The following RASA2 variants were observed in gnomAD, a reference collection of about 807,000 sequenced individuals.
RASA2 encodes ras GTPase-activating protein 2.
A neutral mutation model predicts 118.2 loss-of-function variants in RASA2; 155 were observed. That is an observed-to-expected ratio of 1.31 (90% CI 1.15 to 1.50). RASA2 has a LOEUF of 1.50. RASA2 is among the 40% of genes most tolerant of loss of function. The pLI, the probability that RASA2 is intolerant of heterozygous loss-of-function variation, is 0.00. For synonymous variants in RASA2, 353 were observed against 349.1 expected (o/e 1.01, Z -0.12); for missense variants, 1,016 against 1,009.6 (o/e 1.01, Z -0.09).
chr3:141,534,747 A>AT (rs1338681117), intron 4 of RASA2, among the ~76,000 whole-genome samples: 3 of 151,828 alleles, frequency 2.0e-5, no homozygotes, highest in Non-Finnish European at 4.4e-5. Context: ...TTGCAGGTTG[A>AT]TTTTTTTTAA....
chr3:141,502,397 T>A (rs1222829427), intron 1 of RASA2, among the ~76,000 whole-genome samples: 6 of 152,196 alleles, frequency 3.9e-5, no homozygotes, highest in African/African-American at 1.4e-4. Context: ...CTGAATAAAG[T>A]TAAACCTTAG....
At chr3:141,502,879 G>A (rs1458208379) in intron 1 of RASA2, among the ~76,000 whole-genome samples, 1 of 152,164 alleles carries the variant, frequency 6.6e-6, no homozygotes, top group Non-Finnish European at 1.5e-5. Flanking sequence ...AACCTTTGAA[G>A]CAGACCTGGA....
Position 141,528,417 on chromosome 3 carries a change from C to T in RASA2, c.356-1291C>T, listed in dbSNP as rs547787801. ...GGTTCAGAAAAAGAATCATTATATA[C>T]GTTAGAGGGAGAGAAACATTATAAA... On this transcript the variant is annotated intron_variant, in intron 3 of 23. Coordinates refer to ENST00000286364, the MANE Select transcript of RASA2 (RefSeq NM_006506.5). Among the ~76,000 whole-genome samples the T allele has an allele frequency of 5.9e-5, 9 of 151,848 alleles. No individual in the cohort carries two copies. In the South Asian group the frequency reaches 1.5e-3, roughly 24 times the overall value.
At chr3:141,500,012 T>TTAA (rs1157016180) in intron 1 of RASA2, among the ~76,000 whole-genome samples, 1 of 152,240 alleles carries the variant, frequency 6.6e-6, no homozygotes, top group Non-Finnish European at 1.5e-5. Context: ...TCTCACCATG[T>TTAA]TAATTTATGC....
chr3:141,499,159 G>C (rs2081743607), intron 1 of RASA2, among the ~76,000 whole-genome samples: 1 of 152,182 alleles, frequency 6.6e-6, no homozygotes, highest in Non-Finnish European at 1.5e-5. Context: ...GTAGATAACT[G>C]TATGATAGTT....
chr3:141,604,095 A>C (rs528873232), intron 19 of RASA2, among the ~76,000 whole-genome samples: 21 of 152,172 alleles, frequency 1.4e-4, no homozygotes, highest in African/African-American at 4.8e-4. Context: ...CATGGTATAT[A>C]CGTAGGAGTG....
At chr3:141,517,857 A>G (rs1447228788) in intron 3 of RASA2, among the ~76,000 whole-genome samples, 2 of 151,908 alleles carry the variant, frequency 1.3e-5, no homozygotes, top group East Asian at 2.0e-4. Context: ...GGGTTTCACC[A>G]TGTTAGCCAG....
chr3:141,519,253 A>AC (rs2082075172), intron 3 of RASA2, among the ~76,000 whole-genome samples: 1 of 151,986 alleles, frequency 6.6e-6, no homozygotes, highest in Non-Finnish European at 1.5e-5. Flanking sequence ...CCATTTTACC[A>AC]CCCCCTGGCC....
In RASA2 at chr3:141,572,029, CATATATATATATATATATAT is replaced by C. The variant is rs10568210; in HGVS notation, c.1169+489_1169+508del. Among the ~76,000 whole-genome samples the C allele has an allele frequency of 1.0e-3, 122 of 121,452 alleles. 2 individuals carry two copies. Among genetic ancestry groups the C allele is most frequent in the African/African-American group, 3.3e-3 (108 of 33,178 alleles). 79.7% of individuals were successfully genotyped at this position (121,452 alleles called of 152,430 possible). ...AACATGATTTGCCTTTTTAAAAAAA[CATATATATATATATATATAT>C]ATATATATATATACACACACACACA... On this transcript the variant is annotated intron_variant, in intron 11 of 23. Transcript: ENST00000286364.
chr3:141,577,218 T>C, intron 15 of RASA2, 112 bp downstream of exon 15: 1 of 754,448 alleles, frequency 1.3e-6, no homozygotes. Context: ...TAACTGATAC[T>C]TAAATTTACT....
At chr3:141,610,385 ATATATTTATATTTATATATTATATATT>A (rs2083623827) in intron 23 of RASA2, among the ~76,000 whole-genome samples, 1 of 96,234 alleles carries the variant, frequency 1.0e-5, no homozygotes, top group East Asian at 2.8e-4. Context: ...TTTATATATT[ATATATTTATATTTATATATTATATATT>A]TATATTTATA....
intron 19 of RASA2, among the ~76,000 whole-genome samples, chr3:141,590,679 G>C (rs979351522): frequency 5.3e-5 from 8 of 152,106 alleles, no homozygotes; most frequent in Admixed American, 4.6e-4. Flanking sequence ...TGTGACTTTG[G>C]TGTCTGAAAG....
chr3:141,558,816 G>A, intron 7 of RASA2, 70 bp from the exon 8 acceptor site: 1 of 1,181,708 alleles, frequency 8.5e-7, no homozygotes, highest in South Asian at 1.4e-5. Flanking sequence ...TTTTGCAGAT[G>A]ATCATTTTTA....
chr3:141,532,746 C>T (rs1359754038), intron 4 of RASA2, among the ~76,000 whole-genome samples: 1 of 152,060 alleles, frequency 6.6e-6, no homozygotes, highest in Non-Finnish European at 1.5e-5. Context: ...AAACTATATA[C>T]TGTATCTTTA....
chr3:141,555,811 C>T, intron 6 of RASA2, 29 bp from the exon 7 acceptor site: 5 of 1,580,332 alleles, frequency 3.2e-6, no homozygotes, highest in Non-Finnish European at 4.3e-6. Context: ...TTAAGTTCTA[C>T]AAGGTAAAAC....
At chr3:141,586,507 AT>A in intron 18 of RASA2, 138 bp from the exon 19 acceptor site, 1 of 565,844 alleles carries the variant, frequency 1.8e-6, no homozygotes, top group East Asian at 3.1e-5. Flanking sequence ...TGCAACAGTC[AT>A]GGATAGCAAA....
chr3:141,574,184 A>T (rs550966788), intron 14 of RASA2, 117 bp downstream of exon 14: 3 of 591,566 alleles, frequency 5.1e-6, no homozygotes, highest in African/African-American at 2.0e-5. Context: ...ATTTATTTTT[A>T]TTTTATTTTA....
intron 5 of RASA2, among the ~76,000 whole-genome samples, chr3:141,552,340 T>C (rs2082587203): frequency 6.6e-6 from 1 of 152,182 alleles, no homozygotes; most frequent in Admixed American, 6.5e-5. Context: ...ACAGTGGGAA[T>C]GTAGAAGGGC....
At chr3:141,506,833 G>A (rs1021979489) in intron 1 of RASA2, among the ~76,000 whole-genome samples, 2 of 151,254 alleles carry the variant, frequency 1.3e-5, no homozygotes, top group South Asian at 2.1e-4. Context: ...ACAGAATCAC[G>A]TGAGTCCAGG....
Sources: gnomAD v4.1 joint callset for allele counts (sites outside exome capture counted in the v4.1 genomes callset) on GRCh38, gnomAD v4.1.1 for gene constraint, MANE v1.5 for transcripts, NCBI Gene and HGNC (gene_info 2026-07-23, HGNC 2026-07-21) for gene names.